The following GRID2 variants were observed in gnomAD, a reference collection of about 807,000 sequenced individuals.
GRID2 encodes the protein glutamate receptor ionotropic, delta-2.
GRID2 carries 33 observed loss-of-function variants against 114.8 expected under a neutral mutation model. The observed-to-expected ratio is 0.29, with a 90% CI of 0.22 to 0.38. GRID2 has a LOEUF of 0.38. Among genes scored for constraint, GRID2 ranks in the 10% least tolerant of loss-of-function variants. GRID2 has a pLI of 1.00. For synonymous variants in GRID2, 505 were observed against 449.9 expected (o/e 1.12, Z -1.55); for missense variants, 1,184 against 1,257.7 (o/e 0.94, Z 0.89).
rs554107063 is a variant in GRID2, at chr4:93,101,416, T to A, written c.530-9332T>A. ...ATTAATAAACCTCTTTCCATTCCCT[T>A]AACCCCTCTACCCTTCTTGGCCCCT... On this transcript the variant is annotated intron_variant, in intron 3 of 15. Coordinates refer to ENST00000282020, the MANE Select transcript of GRID2 (RefSeq NM_001510.4). 2.2e-4 allele frequency among the ~76,000 whole-genome samples: 34 copies of A among 152,108 alleles called. 1 individual carries two copies. The South Asian group carries it at 6.8e-3, about 31-fold the overall frequency.
chr4:93,772,006 C>T (rs540252505), intron 15 of GRID2, 70 bp from the exon 16 acceptor site: 1 of 875,884 alleles, frequency 1.1e-6, no homozygotes, highest in East Asian at 2.4e-5. Context: ...GTTTGCTGAA[C>T]TACTTTTTTT....
At chr4:93,242,366 T>A (rs1747632483) in intron 8 of GRID2, among the ~76,000 whole-genome samples, 1 of 151,644 alleles carries the variant, frequency 6.6e-6, no homozygotes, top group Non-Finnish European at 1.5e-5. Flanking sequence ...ACTGTAGTAC[T>A]AATCTACACA....
exon 2 of GRID2, chr4:93,809,545 C>T (rs1735092968): frequency 6.6e-6 from 1 of 152,122 alleles, no homozygotes; most frequent in Non-Finnish European, 1.5e-5. Flanking sequence ...AATTGGCATC[C>T]AAGAAACTTT....
At chr4:93,369,779 G>A (rs1762695776) in intron 8 of GRID2, among the ~76,000 whole-genome samples, 1 of 152,152 alleles carries the variant, frequency 6.6e-6, no homozygotes, top group Admixed American at 6.5e-5. Flanking sequence ...ATAAGCCACT[G>A]TGCCAGGCTC....
chr4:93,681,802 T>C (rs1725572819), intron 14 of GRID2, among the ~76,000 whole-genome samples: 1 of 152,166 alleles, frequency 6.6e-6, no homozygotes, highest in Admixed American at 6.5e-5. Context: ...AAGACTTACA[T>C]GTTAGACCTA....
chr4:93,335,915 G>A (rs1250540186), intron 8 of GRID2, among the ~76,000 whole-genome samples: 3 of 151,962 alleles, frequency 2.0e-5, no homozygotes, highest in Non-Finnish European at 4.4e-5. Context: ...GTCTTAAACT[G>A]GGCTCAAGCG....
chr4:93,393,810 A>G (rs916643705), intron 8 of GRID2, among the ~76,000 whole-genome samples: 3 of 152,052 alleles, frequency 2.0e-5, no homozygotes, highest in African/African-American at 7.2e-5. Flanking sequence ...GATGTCATTT[A>G]TTTACACAAA....
At chr4:93,036,609 A>G (rs1018607882) in intron 2 of GRID2, among the ~76,000 whole-genome samples, 3 of 152,178 alleles carry the variant, frequency 2.0e-5, no homozygotes, top group Non-Finnish European at 4.4e-5. Context: ...AAGTTAGCCA[A>G]TAATGTTATC....
chr4:93,515,812 T>C (rs1729664835), intron 13 of GRID2, among the ~76,000 whole-genome samples: 1 of 152,192 alleles, frequency 6.6e-6, no homozygotes, highest in African/African-American at 2.4e-5. Flanking sequence ...CCGTCATCTT[T>C]AGTTGTGATT....
At chr4:92,560,443 T>C (rs1727051935) in intron 1 of GRID2, among the ~76,000 whole-genome samples, 1 of 152,132 alleles carries the variant, frequency 6.6e-6, no homozygotes, top group South Asian at 2.1e-4. Flanking sequence ...ATTTTATTCT[T>C]TTCCCCAGCC....
intron 8 of GRID2, among the ~76,000 whole-genome samples, chr4:93,355,324 G>T (rs1164823199): frequency 7.2e-6 from 1 of 138,702 alleles, no homozygotes; most frequent in Non-Finnish European, 1.6e-5. Context: ...TGACACCTTG[G>T]TTGAGCTGGA....
chr4:93,177,567 A>T (rs968346743), intron 4 of GRID2, among the ~76,000 whole-genome samples: 1 of 152,204 alleles, frequency 6.6e-6, no homozygotes, highest in Non-Finnish European at 1.5e-5. Flanking sequence ...AATTTTTCAC[A>T]ATACTTCAGA....
At chr4:92,804,549 A>G (rs1740325519) in intron 2 of GRID2, among the ~76,000 whole-genome samples, 1 of 152,064 alleles carries the variant, frequency 6.6e-6, no homozygotes. Flanking sequence ...TCTAACAATA[A>G]CAGCAAAACT....
intron 2 of GRID2, among the ~76,000 whole-genome samples, chr4:93,068,958 C>T (rs1728561149): frequency 6.6e-6 from 1 of 151,936 alleles, no homozygotes; most frequent in Admixed American, 6.6e-5. Flanking sequence ...CTTATAATCA[C>T]TGTGTAAGGT....
At position 93,594,031 on chromosome 4, in the gene GRID2, G is replaced by T. The variant is rs375056050; in HGVS notation, c.2194-32238G>T. Among the ~76,000 whole-genome samples, 16 of 151,954 alleles carry T rather than the reference G, an allele frequency of 1.1e-4. No homozygotes were observed. In the East Asian group the frequency reaches 2.9e-3, roughly 28 times the overall value. On this transcript the variant is annotated intron_variant, in intron 13 of 15. Transcript: ENST00000282020. ...TCCCGTAGCTCAGAGTAATTTGATCGTCTGAAGCCTTCTTCTCTCAGCTCG... is the reference window on the plus strand; with the variant it reads ...TCCCGTAGCTCAGAGTAATTTGATCTTCTGAAGCCTTCTTCTCTCAGCTCG...
At chr4:93,628,214 A>G (rs534704462) in intron 14 of GRID2, among the ~76,000 whole-genome samples, 2 of 152,304 alleles carry the variant, frequency 1.3e-5, no homozygotes, top group East Asian at 3.9e-4. Flanking sequence ...TCTAAGAGGA[A>G]CAAACTACAA....
chr4:92,426,056 G>A (rs1488266583), intron 1 of GRID2, among the ~76,000 whole-genome samples: 2 of 152,028 alleles, frequency 1.3e-5, no homozygotes, highest in Non-Finnish European at 2.9e-5. Context: ...ACTGCTGTAT[G>A]CATAGTACAA....
chr4:93,271,497 A>C (rs572471462), intron 8 of GRID2, among the ~76,000 whole-genome samples: 3 of 152,252 alleles, frequency 2.0e-5, no homozygotes, highest in South Asian at 4.1e-4. Flanking sequence ...GAAAAAGTCA[A>C]CTATATTTTC....
At chr4:92,465,815 G>GA (rs1352929254) in intron 1 of GRID2, among the ~76,000 whole-genome samples, 1 of 151,830 alleles carries the variant, frequency 6.6e-6, no homozygotes, top group Admixed American at 6.6e-5. Flanking sequence ...CCACCAATGT[G>GA]AAAAGCATCT....
Sources: allele counts gnomAD v4.1 joint callset (sites outside exome capture counted in the v4.1 genomes callset), GRCh38; gene constraint gnomAD v4.1.1; transcripts MANE v1.5; gene names NCBI Gene and HGNC (gene_info 2026-07-23, HGNC 2026-07-21).